BRAF: variants seen among roughly 807,000 people sequenced by gnomAD.
BRAF encodes B-Raf proto-oncogene, serine/threonine kinase.
In BRAF, 16 loss-of-function variants were observed where a neutral mutation model predicts 104.6. The ratio of observed to expected loss-of-function variants is 0.15; its 90% CI spans 0.10 to 0.23. The LOEUF is 0.23. Among genes scored for constraint, BRAF ranks in the 10% least tolerant of loss-of-function variants. The pLI is 1.00. For missense variants in BRAF, 541 were observed against 937.3 expected (o/e 0.58, Z 5.52); for synonymous variants, 310 against 341.6 (o/e 0.91, Z 1.02).
chr7:140,744,830 C>A (rs1268979803), intron 17 of BRAF, among the ~76,000 whole-genome samples: 1 of 152,054 alleles, frequency 6.6e-6, no homozygotes, highest in Non-Finnish European at 1.5e-5. Flanking sequence ...AACTTATATG[C>A]TACTTTCATC....
intron 8 of BRAF, among the ~76,000 whole-genome samples, chr7:140,789,788 T>C (rs1801764853): frequency 1.3e-5 from 2 of 152,244 alleles, no homozygotes; most frequent in African/African-American, 4.8e-5. Context: ...TGGAGTGCAA[T>C]GGCACGATCT....
chr7:140,778,349 C>G (rs1006432136), intron 12 of BRAF, among the ~76,000 whole-genome samples: 1 of 152,028 alleles, frequency 6.6e-6, no homozygotes, highest in African/African-American at 2.4e-5. Context: ...CAATTAAGTA[C>G]CCATGGTATT....
rs1795596212 is a variant in BRAF at position 140,726,343 on chromosome 7, T to C, written c.*151A>G. ...AAACATTCTTTCCTCTTTTGTTGGA[T>C]GGGAAATTCCATTCTGTTCCACATC... On this transcript the variant is annotated 3_prime_UTR_variant, in exon 20 of 20. Coordinates refer to ENST00000644969, the MANE Select transcript of BRAF (RefSeq NM_001374258.1). 1.4e-6 allele frequency: 2 copies of C among 1,438,674 alleles called. No homozygotes were observed. Among genetic ancestry groups the C allele is most frequent in the Non-Finnish European group, 9.1e-7 (1 of 1,103,312 alleles). The allele number at this position is 1,438,674 out of a possible 1,614,324, so 89.1% of individuals were successfully genotyped here.
intron 17 of BRAF, chr7:140,740,231 G>T (rs2130903655): frequency 2.8e-6 from 1 of 359,478 alleles, no homozygotes; most frequent in Non-Finnish European, 5.2e-6. Context: ...CACTCACAGG[G>T]TAACCATCTA....
intron 1 of BRAF, among the ~76,000 whole-genome samples, chr7:140,914,974 G>A (rs999494425): frequency 1.5e-5 from 1 of 65,542 alleles, no homozygotes; most frequent in East Asian, 6.0e-4. Context: ...CGGGGGGGGG[G>A]GGGGGCGGAG....
chr7:140,842,250 T>C (rs944473588), intron 2 of BRAF, among the ~76,000 whole-genome samples: 2 of 152,208 alleles, frequency 1.3e-5, no homozygotes, highest in Non-Finnish European at 2.9e-5. Flanking sequence ...CAATTACAAG[T>C]TGTGTAACCT....
At chr7:140,892,155 G>T (rs1814300353) in intron 1 of BRAF, among the ~76,000 whole-genome samples, 1 of 152,076 alleles carries the variant, frequency 6.6e-6, no homozygotes, top group Non-Finnish European at 1.5e-5. Flanking sequence ...CAACTACTTG[G>T]AAGGGTAACA....
At chr7:140,776,775 C>A in intron 14 of BRAF, 137 bp downstream of exon 13, 1 of 805,678 alleles carries the variant, frequency 1.2e-6, no homozygotes, top group South Asian at 1.5e-5. Context: ...ATATTATTTA[C>A]CAGCCATTAG....
chr7:140,778,552 C>T (rs1258113455), intron 12 of BRAF, among the ~76,000 whole-genome samples: 2 of 151,632 alleles, frequency 1.3e-5, no homozygotes, highest in Non-Finnish European at 2.9e-5. Flanking sequence ...ATGATACTTT[C>T]AATTAGGAAA....
At chr7:140,845,480 C>T (rs933732835) in intron 2 of BRAF, among the ~76,000 whole-genome samples, 6 of 152,046 alleles carry the variant, frequency 3.9e-5, no homozygotes, top group African/African-American at 1.2e-4. Flanking sequence ...AAGAACTACG[C>T]TCAATAACAA....
chr7:140,892,545 T>C (rs1814364805), intron 1 of BRAF, among the ~76,000 whole-genome samples: 1 of 152,234 alleles, frequency 6.6e-6, no homozygotes, highest in African/African-American at 2.4e-5. Context: ...TTGTAAACTA[T>C]GGAACCTATC....
chr7:140,919,542 T>G (rs1455964642), intron 1 of BRAF, among the ~76,000 whole-genome samples: 1 of 152,082 alleles, frequency 6.6e-6, no homozygotes, highest in Non-Finnish European at 1.5e-5. Context: ...TTGCTTAATG[T>G]TAGGGTGGAG....
In BRAF at chr7:140,723,083, T is replaced by C. The variant is rs987531839; in HGVS notation, c.*3411A>G. On this transcript the variant is annotated 3_prime_UTR_variant, in exon 20 of 20. Transcript: ENST00000644969. ...TCATTACCTCATTCTGAAGAGGTAG[T>C]TTTTTGTAGAGGTCACCTGAACCCT... The C allele has an allele frequency of 2.7e-5, 28 of 1,051,256 alleles. No individual in the cohort carries two copies. The highest frequency in any genetic ancestry group is 4.2e-4 in the Middle Eastern group (1 of 2,356). 65.1% of individuals were successfully genotyped at this position (1,051,256 alleles called of 1,614,324 possible). A position where few individuals can be genotyped will look rare whatever the true frequency, so the allele number is the denominator to read the frequency against.
Position 140,906,887 on chromosome 7 carries a change from T to C in BRAF, c.138+17679A>G, listed in dbSNP as rs77801931. 3.9e-3 allele frequency among the ~76,000 whole-genome samples: 599 copies of C among 152,342 alleles called. 28 individuals carry two copies. The East Asian group carries it at 0.094, about 24-fold the overall frequency. The stretch of plus-strand genomic sequence containing the variant: ...GTTTATGCAGTTTTCCTATGATTTG[T>C]CTGGGTGTAGATTTCTATTTATATT... On this transcript the variant is annotated intron_variant, in intron 1 of 19. Coordinates refer to ENST00000644969, the MANE Select transcript of BRAF (RefSeq NM_001374258.1).
At chr7:140,915,466 C>G (rs1333763731) in intron 1 of BRAF, among the ~76,000 whole-genome samples, 1 of 148,984 alleles carries the variant, frequency 6.7e-6, no homozygotes, top group African/African-American at 2.5e-5. Flanking sequence ...GTTTCCCTCA[C>G]TCTTGTTGCC....
At chr7:140,813,645 C>G (rs924043374) in intron 3 of BRAF, among the ~76,000 whole-genome samples, 1 of 152,068 alleles carries the variant, frequency 6.6e-6, no homozygotes, top group African/African-American at 2.4e-5. Flanking sequence ...GTTAAATACA[C>G]TATAGTACAT....
intron 1 of BRAF, among the ~76,000 whole-genome samples, chr7:140,875,721 A>AG (rs1812165297): frequency 6.6e-6 from 1 of 152,366 alleles, no homozygotes; most frequent in South Asian, 2.1e-4. Context: ...CATAAAATAT[A>AG]GGGGAACACC....
At chr7:140,823,346 A>G (rs1330413550) in intron 3 of BRAF, among the ~76,000 whole-genome samples, 1 of 152,142 alleles carries the variant, frequency 6.6e-6, no homozygotes, top group Admixed American at 6.5e-5. Flanking sequence ...GCCCCTGGCA[A>G]GCACCATTCT....
rs1236668208 is a variant in BRAF at position 140,914,958 on chromosome 7, T to G, written c.138+9608A>C. Among the ~76,000 whole-genome samples, 34 of 20,370 alleles carry G rather than the reference T, an allele frequency of 1.7e-3. No homozygotes were observed. In the East Asian group the frequency reaches 0.047, roughly 28 times the overall value. 13.4% of individuals were successfully genotyped at this position (20,370 alleles called of 152,430 possible). On this transcript the variant is annotated intron_variant, in intron 1 of 19. Coordinates refer to ENST00000644969, the MANE Select transcript of BRAF (RefSeq NM_001374258.1). Reference sequence around the variant, plus strand: ...TGGAGGCTGAGGCAGGAGAATCACTTGAACCCGGGGGGGGGGGGGGGCGGA... The same window carrying G: ...TGGAGGCTGAGGCAGGAGAATCACTGGAACCCGGGGGGGGGGGGGGGCGGA...
Sources: allele counts gnomAD v4.1 joint callset (sites outside exome capture counted in the v4.1 genomes callset), GRCh38; gene constraint gnomAD v4.1.1; transcripts MANE v1.5; gene names NCBI Gene and HGNC (gene_info 2026-07-23, HGNC 2026-07-21).